Variants in PCDH15 observed in about 807,000 individuals in gnomAD.
PCDH15 encodes the protein protocadherin-15.
Under a neutral mutation model 178.5 loss-of-function variants are expected in PCDH15, and 129 were observed. The observed-to-expected ratio is 0.72, with a 90% CI of 0.63 to 0.84. The LOEUF is 0.84. Ranked by LOEUF, PCDH15 falls within the 40% of genes least tolerant of loss-of-function variation. PCDH15 has a pLI of 0.00. For synonymous variants in PCDH15, 800 were observed against 732.0 expected (o/e 1.09, Z -1.50); for missense variants, 2,230 against 2,099.9 (o/e 1.06, Z -1.21).
chr10:53,998,531 G>A (rs1053791572), intron 20 of PCDH15, among the ~76,000 whole-genome samples: 12 of 152,184 alleles, frequency 7.9e-5, no homozygotes, highest in African/African-American at 2.4e-4. Context: ...CCAAGAAGAT[G>A]TAAGGAATCT....
At chr10:55,306,986 T>G (rs899739612) in intron 1 of PCDH15, among the ~76,000 whole-genome samples, 1 of 151,968 alleles carries the variant, frequency 6.6e-6, no homozygotes, top group Admixed American at 6.6e-5. Context: ...TTCAATATTT[T>G]TAGAAATATA....
chr10:54,217,606 G>C (rs1267055673), intron 9 of PCDH15, among the ~76,000 whole-genome samples: 7 of 152,128 alleles, frequency 4.6e-5, no homozygotes, highest in Admixed American at 4.6e-4. Context: ...AATTGGCAGT[G>C]GAAGTTTAAA....
chr10:54,385,029 T>C (rs1949746331), intron 3 of PCDH15, among the ~76,000 whole-genome samples: 1 of 152,140 alleles, frequency 6.6e-6, no homozygotes, highest in Non-Finnish European at 1.5e-5. Flanking sequence ...TTTCATTTTT[T>C]GAGTTTCTGG....
intron 2 of PCDH15, among the ~76,000 whole-genome samples, chr10:55,053,630 A>T (rs914229952): frequency 6.6e-6 from 1 of 152,154 alleles, no homozygotes; most frequent in African/African-American, 2.4e-5. Flanking sequence ...TTGAATTTGA[A>T]TTCTGGCTGA....
chr10:54,075,968 T>A (rs1468006991), intron 17 of PCDH15, among the ~76,000 whole-genome samples: 1 of 152,150 alleles, frequency 6.6e-6, no homozygotes, highest in Non-Finnish European at 1.5e-5. Flanking sequence ...ATAAGTTTGT[T>A]TTTTTAAAAA....
At chr10:55,603,809 A>C (rs1289810929) in intron 2 of PCDH15, among the ~76,000 whole-genome samples, 2 of 148,676 alleles carry the variant, frequency 1.3e-5, no homozygotes, top group African/African-American at 2.5e-5. Flanking sequence ...TGTAAAGACC[A>C]TCGAGACTAG....
intron 2 of PCDH15, among the ~76,000 whole-genome samples, chr10:54,957,725 T>C (rs1237576692): frequency 6.6e-6 from 1 of 151,642 alleles, no homozygotes. Context: ...ATCTCCAACG[T>C]ATCCAATTAT....
At chr10:54,563,436 C>T (rs941587480) in intron 2 of PCDH15, among the ~76,000 whole-genome samples, 27 of 151,866 alleles carry the variant, frequency 1.8e-4, no homozygotes, top group African/African-American at 5.8e-4. Flanking sequence ...GACAACAGGC[C>T]CAAATTATAA....
intron 8 of PCDH15, among the ~76,000 whole-genome samples, chr10:54,276,655 C>A (rs1332906617): frequency 5.7e-5 from 7 of 122,350 alleles, no homozygotes; most frequent in African/African-American, 1.6e-4. Flanking sequence ...ATGTATACTG[C>A]AACATTTTAA....
In PCDH15 at chr10:54,329,631, C is replaced by G. The variant is rs150559506; in HGVS notation, c.670G>C (p.Asp224His). 50 of 1,607,410 alleles carry G rather than the reference C, an allele frequency of 3.1e-5. 1 individual carries two copies. The highest frequency in any genetic ancestry group is 3.9e-5 in the Non-Finnish European group (46 of 1,174,344). Residue 224 changes from aspartate to histidine, a missense_variant, in exon 7 of 38, where the codon GAT becomes CAT. By Grantham distance (81) the Asp-to-His change is moderately conservative. Coordinates refer to ENST00000644397, the MANE Select transcript of PCDH15 (RefSeq NM_001384140.1). Reference sequence around the variant, plus strand: ...ATTATGACAAAGTAGCGAGTCTTATCTTCATAGTTGAGCCTCTTCCTTAAC... The same window carrying G: ...ATTATGACAAAGTAGCGAGTCTTATGTTCATAGTTGAGCCTCTTCCTTAAC... ...IVLRKRLNYE[D>H]KTRYFVIIQA...
At chr10:54,066,954 T>C (rs1408887990) in intron 17 of PCDH15, 69 bp from the exon 18 acceptor site, 1 of 1,486,404 alleles carries the variant, frequency 6.7e-7, no homozygotes. Context: ...TAAGTAGTCA[T>C]TCTGGCATTT....
At chr10:54,411,875 T>C (rs1953574948) in intron 3 of PCDH15, among the ~76,000 whole-genome samples, 1 of 152,182 alleles carries the variant, frequency 6.6e-6, no homozygotes, top group African/African-American at 2.4e-5. Flanking sequence ...TCCTCATTAC[T>C]TTGACTAGAT....
intron 3 of PCDH15, among the ~76,000 whole-genome samples, chr10:54,432,469 A>G (rs1957080114): frequency 6.6e-6 from 1 of 152,082 alleles, no homozygotes; most frequent in East Asian, 1.9e-4. Flanking sequence ...CCAAAAACAT[A>G]CATTGGGGAA....
At chr10:53,908,451 T>G (rs1294235846) in intron 25 of PCDH15, among the ~76,000 whole-genome samples, 3 of 152,236 alleles carry the variant, frequency 2.0e-5, no homozygotes, top group Non-Finnish European at 4.4e-5. Flanking sequence ...TATGCTGTAA[T>G]TATTTGATCA....
At position 54,895,823 on chromosome 10, in the gene PCDH15, ACTTTT is replaced by A. The variant is rs1183963056; in HGVS notation, c.-29+1622_-29+1626del. Among the ~76,000 whole-genome samples the A allele has an allele frequency of 3.9e-5, 6 of 152,088 alleles. No homozygotes were observed. The South Asian group carries it at 1.2e-3, about 32-fold the overall frequency. On this transcript the variant is annotated intron_variant, in intron 3 of 5. Transcript: ENST00000458638. Reference sequence around the variant, plus strand: ...TTTTTTTAGCCATACACGTTAGTCTACTTTTCTTTTAAAATTTATTTGGCTATTGG... The same window carrying A: ...TTTTTTTAGCCATACACGTTAGTCTACTTTTAAAATTTATTTGGCTATTGG...
chr10:55,366,922 CGTGT>C (rs34339947), intron 2 of PCDH15, among the ~76,000 whole-genome samples: 9 of 150,076 alleles, frequency 6.0e-5, no homozygotes, highest in African/African-American at 9.8e-5. Flanking sequence ...CATTTGTTTG[CGTGT>C]GTGTGTGTGT....
intron 15 of PCDH15, among the ~76,000 whole-genome samples, chr10:54,120,311 T>C (rs569471124): frequency 8.5e-5 from 13 of 152,236 alleles, no homozygotes; most frequent in Middle Eastern, 3.4e-3. Context: ...CACAAAAACA[T>C]ACTTAAGTAC....
intron 23 of PCDH15, among the ~76,000 whole-genome samples, chr10:53,956,401 G>A (rs6481045): frequency 0.67 from 101,793 of 151,936 alleles, 34,610 homozygotes; most frequent in East Asian, 0.87. Flanking sequence ...ATAATCATTA[G>A]CCTTAAGTTT....
At chr10:55,260,515 C>G (rs945951707) in intron 1 of PCDH15, among the ~76,000 whole-genome samples, 3 of 151,980 alleles carry the variant, frequency 2.0e-5, no homozygotes, top group Admixed American at 6.6e-5. Context: ...TAGTCAAAAA[C>G]ACAAAATTTT....
Sources: gnomAD v4.1 joint callset for allele counts (sites outside exome capture counted in the v4.1 genomes callset) on GRCh38, gnomAD v4.1.1 for gene constraint, MANE v1.5 for transcripts, NCBI Gene and HGNC (gene_info 2026-07-23, HGNC 2026-07-21) for gene names.